G6PC2: variants seen among roughly 807,000 people sequenced by gnomAD.
G6PC2 encodes glucose-6-phosphatase 2.
Under a neutral mutation model 35.4 loss-of-function variants are expected in G6PC2, and 41 were observed. The ratio of observed to expected loss-of-function variants is 1.16; its 90% CI spans 0.90 to 1.50. G6PC2 has a LOEUF of 1.50. G6PC2 is among the 40% of genes most tolerant of loss of function. The pLI is 0.00. For synonymous variants in G6PC2, 165 were observed against 153.2 expected (o/e 1.08, Z -0.57); for missense variants, 441 against 426.5 (o/e 1.03, Z -0.30).
chr2:168,909,645 T>A lies in G6PC2; in HGVS notation c.*1566T>A, dbSNP rs1690808324. On this transcript the variant is annotated 3_prime_UTR_variant, in exon 5 of 5. Transcript: ENST00000375363. ...AATCTAGGAATGCTGGGCTTTAAGT[T>A]GATAACTGTGTCATTTCAATCAAGT... 6.6e-6 allele frequency: 1 copy of A among 152,264 alleles called. No individual in the cohort carries two copies. The highest frequency in any genetic ancestry group is 2.1e-4 in the South Asian group (1 of 4,836). The allele number at this position is 152,264 out of a possible 1,614,324, so 9.4% of individuals were successfully genotyped here.
chr2:168,908,255 C>A lies in G6PC2; in HGVS notation c.*176C>A, dbSNP rs1690769010. Reference sequence around the variant, plus strand: ...CTTCGCACTGGTCTTTTTTTTTAATCCTTCAGTTACCAATATTTAGATACA... The same window carrying A: ...CTTCGCACTGGTCTTTTTTTTTAATACTTCAGTTACCAATATTTAGATACA... On this transcript the variant is annotated 3_prime_UTR_variant, in exon 5 of 5. Coordinates refer to ENST00000375363, the MANE Select transcript of G6PC2 (RefSeq NM_021176.3). 3.2e-6 allele frequency: 2 copies of A among 617,348 alleles called. No individual in the cohort carries two copies. Among genetic ancestry groups the A allele is most frequent in the Non-Finnish European group, 5.7e-6 (2 of 348,508 alleles). The allele number at this position is 617,348 out of a possible 1,614,324, so 38.2% of individuals were successfully genotyped here.
rs1447656406 is a variant in G6PC2, at chr2:168,901,492, G to A, written c.161G>A (p.Gly54Glu). Reference protein sequence around the residue: ...PLCFQFNQTVGTKMIWVAVIG... With the variant: ...PLCFQFNQTVETKMIWVAVIG... ...TGTTTTCAATTTAATCAGACAGTTGGAACCAAGATGATATGGGTAGCAGTC... is the reference window on the plus strand; with the variant it reads ...TGTTTTCAATTTAATCAGACAGTTGAAACCAAGATGATATGGGTAGCAGTC... The change falls in exon 1 of 5, where the codon GGA becomes GAA. Residue 54 changes from glycine (G) to glutamate (E), a missense_variant. By Grantham distance (98) the Gly-to-Glu change is moderately conservative. Transcript: ENST00000375363. 1 of 1,597,658 alleles carries A rather than the reference G, an allele frequency of 6.3e-7. No individual in the cohort carries two copies. The highest frequency in any genetic ancestry group is 1.7e-5 in the Admixed American group (1 of 60,008).
At chr2:168,904,269 T>G (rs1379277845) in intron 2 of G6PC2, among the ~76,000 whole-genome samples, 1 of 152,160 alleles carries the variant, frequency 6.6e-6, no homozygotes, top group Non-Finnish European at 1.5e-5. Context: ...TATTGATTTC[T>G]GGAATTCAAT....
rs761665556 is a variant in G6PC2 at position 168,908,013 on chromosome 2, T to G, written c.1002T>G (p.Thr334=). ...GTAAAAGTGCATCCATTCCCCTAAC[T>G]GTGGTTGCTTTCATTCCCTACTCTG... The part of the protein sequence containing the change: ...SFCKSASIPL[T]VVAFIPYSVH... The change falls in exon 5 of 5, where the codon ACT becomes ACG. Residue 334 remains threonine, a synonymous_variant. Coordinates refer to ENST00000375363, the MANE Select transcript of G6PC2 (RefSeq NM_021176.3). 15 of 1,612,840 alleles carry G rather than the reference T, an allele frequency of 9.3e-6. No homozygotes were observed. The highest frequency in any genetic ancestry group is 1.2e-5 in the Non-Finnish European group (14 of 1,178,916).
intron 2 of G6PC2, among the ~76,000 whole-genome samples, 186 bp downstream of exon 2, chr2:168,902,740 A>G (rs1052837604): frequency 1.3e-5 from 2 of 152,194 alleles, no homozygotes; most frequent in Non-Finnish European, 2.9e-5. Flanking sequence ...CTCAAATTCC[A>G]TTTTGTTATT....
Position 168,909,157 on chromosome 2 carries a change from C to A in G6PC2, c.*1078C>A, listed in dbSNP as rs1690795036. The A allele has an allele frequency of 6.6e-6, 1 of 151,978 alleles. No individual in the cohort carries two copies. The highest frequency in any genetic ancestry group is 2.4e-5 in the African/African-American group (1 of 41,364). 9.4% of individuals were successfully genotyped at this position (151,978 alleles called of 1,614,324 possible). On this transcript the variant is annotated 3_prime_UTR_variant, in exon 5 of 5. Transcript: ENST00000375363. ...ATACTGCATCCTCTTTGACTTATAC[C>A]CCACACATACATGCAGGGTCTAGGT...
At chr2:168,904,056 C>T (rs1010225194) in intron 2 of G6PC2, among the ~76,000 whole-genome samples, 9 of 151,966 alleles carry the variant, frequency 5.9e-5, no homozygotes, top group Non-Finnish European at 1.3e-4. Context: ...GAAAATAAGC[C>T]AACTGAAGAT....
chr2:168,907,499 C>A, intron 4 of G6PC2, 69 bp from the exon 5 acceptor site: 1 of 1,435,510 alleles, frequency 7.0e-7, no homozygotes, highest in Non-Finnish European at 9.8e-7. Flanking sequence ...ATCTTTAATG[C>A]AGAGAGGAAT....
intron 2 of G6PC2, among the ~76,000 whole-genome samples, chr2:168,903,308 G>A (rs950794743): frequency 6.6e-6 from 1 of 152,178 alleles, no homozygotes; most frequent in Non-Finnish European, 1.5e-5. Flanking sequence ...TGAGTAAAGG[G>A]TAGTAGAGAA....
chr2:168,908,021 C>T lies in G6PC2; in HGVS notation c.1010C>T (p.Ala337Val). The part of the protein sequence containing the change: ...KSASIPLTVV[A>V]FIPYSVHMLM... ...GCATCCATTCCCCTAACTGTGGTTG[C>T]TTTCATTCCCTACTCTGTTCATATG... Residue 337 changes from alanine (A) to valine (V), a missense_variant, in exon 5 of 5, where the codon GCT becomes GTT. Ala to Val is a moderately conservative substitution (Grantham distance 64). Transcript: ENST00000375363. The T allele has an allele frequency of 1.2e-6, 2 of 1,613,096 alleles. No homozygotes were observed. Among genetic ancestry groups the T allele is most frequent in the Non-Finnish European group, 1.7e-6 (2 of 1,179,224 alleles).
At chr2:168,906,229 T>G (rs1309011838) in intron 3 of G6PC2, among the ~76,000 whole-genome samples, 1 of 151,914 alleles carries the variant, frequency 6.6e-6, no homozygotes, top group African/African-American at 2.4e-5. Context: ...GTAGCTGCGT[T>G]TCTACTGAGT....
intron 1 of G6PC2, 74 bp downstream of exon 1, chr2:168,901,623 T>C: frequency 3.8e-6 from 3 of 786,760 alleles, no homozygotes; most frequent in Non-Finnish European, 6.5e-6. Context: ...AATGATCACA[T>C]TTCAGATGTA....
intron 2 of G6PC2, among the ~76,000 whole-genome samples, chr2:168,904,099 T>C (rs1690657326): frequency 1.3e-5 from 2 of 151,934 alleles, no homozygotes; most frequent in South Asian, 4.2e-4. Flanking sequence ...GCAAAAGTAA[T>C]TGCGGTTTTT....
chr2:168,903,287 G>A (rs1023348158), intron 2 of G6PC2, among the ~76,000 whole-genome samples: 1 of 152,146 alleles, frequency 6.6e-6, no homozygotes, highest in South Asian at 2.1e-4. Flanking sequence ...GACATCCTTC[G>A]AAACTAACTT....
At position 168,908,796 on chromosome 2, in the gene G6PC2, A is replaced by T. The variant is rs1690787056; in HGVS notation, c.*717A>T. ...CAGCCTCAAACTCCTGGCTCAAATG[A>T]TCCTCCCTCCTCAGCCTCCCATTAG... On this transcript the variant is annotated 3_prime_UTR_variant, in exon 5 of 5. Transcript: ENST00000375363. 6.5e-6 allele frequency: 1 copy of T among 152,738 alleles called. No homozygotes were observed. Among genetic ancestry groups the T allele is most frequent in the Admixed American group, 6.5e-5 (1 of 15,342 alleles). The allele number at this position is 152,738 out of a possible 1,614,324, so 9.5% of individuals were successfully genotyped here.
Position 168,907,963 on chromosome 2 carries a change from C to CATTT in G6PC2, c.957_960dup (p.Tyr321IlefsTer8). ...CCTCCAGATCCCGACTCACGAAGAG[C>CATTT]ATTTATTTTATGTGCTGTCTTTTTG... On this transcript the variant is annotated frameshift_variant, in exon 5 of 5. Coordinates refer to ENST00000375363, the MANE Select transcript of G6PC2 (RefSeq NM_021176.3). LOFTEE classifies it high-confidence loss of function. 2 of 1,614,014 alleles carry CATTT rather than the reference C, an allele frequency of 1.2e-6. No individual in the cohort carries two copies. Among genetic ancestry groups the CATTT allele is most frequent in the Non-Finnish European group, 1.7e-6 (2 of 1,179,874 alleles).
Position 168,908,589 on chromosome 2 carries a change from CTG to C in G6PC2, c.*511_*512del. On this transcript the variant is annotated 3_prime_UTR_variant, in exon 5 of 5. Transcript: ENST00000375363. ...AGCCTATTTAGGTAAAAGAACTTGC[CTG>C]GAGTCACGCCACCTTCAGAGCAGGA... The C allele has an allele frequency of 1.0e-5, 2 of 198,196 alleles. No individual in the cohort carries two copies. The highest frequency in any genetic ancestry group is 4.7e-5 in the African/African-American group (2 of 42,316). The allele number at this position is 198,196 out of a possible 1,614,324, so 12.3% of individuals were successfully genotyped here.
intron 2 of G6PC2, 115 bp from the exon 3 acceptor site, chr2:168,904,390 T>A: frequency 2.6e-6 from 2 of 774,336 alleles, no homozygotes. Context: ...AGCCTGTGTC[T>A]TGTCTTTTTT....
intron 1 of G6PC2, 127 bp from the exon 2 acceptor site, chr2:168,902,318 T>A: frequency 1.5e-6 from 1 of 659,424 alleles, no homozygotes; most frequent in East Asian, 2.7e-5. Flanking sequence ...CAAAGTCTCT[T>A]AATCATGAAC....
Sources: allele counts gnomAD v4.1 joint callset (sites outside exome capture counted in the v4.1 genomes callset), GRCh38; gene constraint gnomAD v4.1.1; transcripts MANE v1.5; gene names NCBI Gene and HGNC (gene_info 2026-07-23, HGNC 2026-07-21).